The following VIL1 variants were observed in gnomAD, a reference collection of about 807,000 sequenced individuals.
The protein encoded by VIL1 is villin-1.
VIL1 carries 86 observed loss-of-function variants against 104.0 expected under a neutral mutation model. That is an observed-to-expected ratio of 0.83 (90% CI 0.69 to 0.99). VIL1 has a LOEUF of 0.99. VIL1 is among the 50% of genes least tolerant of loss of function. The pLI is 0.00. For missense variants in VIL1, 944 were observed against 1,054.1 expected (o/e 0.90, Z 1.45); for synonymous variants, 394 against 412.6 (o/e 0.95, Z 0.55).
At position 218,429,462 on chromosome 2, in the gene VIL1, C is replaced by T; in HGVS notation, c.745C>T (p.Leu249Phe). The T allele has an allele frequency of 6.2e-7, 1 of 1,613,972 alleles. No homozygotes were observed. Among genetic ancestry groups the T allele is most frequent in the African/African-American group, 1.3e-5 (1 of 75,074 alleles). The stretch of plus-strand genomic sequence containing the variant: ...GCCCGACACGGTGGTGGAGCCGGCA[C>T]TCAAGGCTGCACTCAAACTGTACCA... ...AVPDTVVEPALKAALKLYHVS... is the reference protein window; with the variant it reads ...AVPDTVVEPAFKAALKLYHVS... The change falls in exon 7 of 20, where the codon CTC (leucine) becomes TTC (phenylalanine). Residue 249 changes from leucine to phenylalanine, a missense_variant. By Grantham distance (22) the Leu-to-Phe change is conservative. Transcript: ENST00000248444.
chr2:218,436,452 T>C (rs1689190938), intron 15 of VIL1, 30 bp from the exon 16 acceptor site: 35 of 1,604,792 alleles, frequency 2.2e-5, no homozygotes, highest in Non-Finnish European at 3.0e-5. Context: ...ACCTTCCTTC[T>C]GCCAGTACAA....
chr2:218,449,126 T>C (rs1689421704), intron 19 of VIL1, 97 bp from the exon 20 acceptor site: 5 of 818,618 alleles, frequency 6.1e-6, no homozygotes, highest in Non-Finnish European at 1.1e-5. Flanking sequence ...TTTGATTATA[T>C]ACCACATCTA....
chr2:218,438,298 C>G (rs915618127), intron 17 of VIL1, among the ~76,000 whole-genome samples: 5 of 152,248 alleles, frequency 3.3e-5, no homozygotes, highest in African/African-American at 1.2e-4. Flanking sequence ...CCCACCCATC[C>G]CCAGGAGCCC....
At position 218,429,224 on chromosome 2, in the gene VIL1, G is replaced by A. The variant is rs1689052562; in HGVS notation, c.568-61G>A. The A allele has an allele frequency of 3.9e-6, 6 of 1,555,988 alleles. No individual in the cohort carries two copies. In the South Asian group the frequency reaches 4.9e-5, roughly 13 times the overall value. ...CTGGGCTTGCCTGGCAGGGTGTAGG[G>A]TGGCAGACACTGCCTCATTCCCCGA... On this transcript the variant is annotated intron_variant, in intron 6 of 19. Transcript: ENST00000248444.
In VIL1 at chr2:218,422,385, C is replaced by G. The variant is rs145936540; in HGVS notation, c.-11-1383C>G. 8.3e-4 allele frequency among the ~76,000 whole-genome samples: 126 copies of G among 152,280 alleles called. 1 individual carries two copies. The highest frequency in any genetic ancestry group is 2.9e-3 in the African/African-American group (121 of 41,558). ...TGCTGGACCAGGAATCCTGGGAGCC[C>G]TGGGGACTTGGTAGGTTGAAAAATA... is the stretch of plus-strand genomic sequence containing the variant. On this transcript the variant is annotated intron_variant, in intron 1 of 19. Coordinates refer to ENST00000248444, the MANE Select transcript of VIL1 (RefSeq NM_007127.3).
intron 15 of VIL1, 150 bp downstream of exon 15, chr2:218,435,584 A>C: frequency 8.8e-7 from 1 of 1,137,304 alleles, no homozygotes; most frequent in Non-Finnish European, 1.2e-6. Flanking sequence ...AAGATGAATA[A>C]AGGGCAGCCC....
chr2:218,451,641 A>G lies in VIL1; in HGVS notation c.*2305A>G, dbSNP rs999122604. On this transcript the variant is annotated 3_prime_UTR_variant, in exon 20 of 20. Coordinates refer to ENST00000248444, the MANE Select transcript of VIL1 (RefSeq NM_007127.3). ...ACACACGATACAGAAGAATCAGTAA[A>G]TTCATGGATTATTTTGCTGAGGTTT... 1 of 152,148 alleles carries G rather than the reference A, an allele frequency of 6.6e-6. No homozygotes were observed. Among genetic ancestry groups the G allele is most frequent in the Non-Finnish European group, 1.5e-5 (1 of 68,030 alleles). 9.4% of individuals were successfully genotyped at this position (152,148 alleles called of 1,614,324 possible).
At chr2:218,420,894 T>A (rs1277946577) in intron 1 of VIL1, among the ~76,000 whole-genome samples, 3 of 152,068 alleles carry the variant, frequency 2.0e-5, no homozygotes, top group Non-Finnish European at 4.4e-5. Flanking sequence ...CCATGAGTAT[T>A]TGTTGAGCAC....
intron 19 of VIL1, among the ~76,000 whole-genome samples, chr2:218,443,488 C>A (rs1442419356): frequency 1.3e-5 from 2 of 152,056 alleles, no homozygotes; most frequent in East Asian, 1.9e-4. Flanking sequence ...AGCCACCACG[C>A]CCGGCCAATA....
In VIL1 at chr2:218,430,734, A is replaced by G; in HGVS notation, c.958A>G (p.Lys320Glu). The change falls in exon 10 of 20, where the codon AAA (lysine) becomes GAA (glutamate). Residue 320 changes from lysine (K) to glutamate (E), a missense_variant. Transcript: ENST00000248444. ...CCCCTTTCTCTTCCAGAACTTCATC[A>G]AAGCCAAGCAGTACCCACCAAGCAC... ...GAMSHALNFI[K>E]AKQYPPSTQV... The G allele has an allele frequency of 1.3e-6, 2 of 1,587,556 alleles. No homozygotes were observed. Among genetic ancestry groups the G allele is most frequent in the Non-Finnish European group, 8.6e-7 (1 of 1,165,472 alleles).
chr2:218,419,475 A>T (rs983891534), intron 1 of VIL1, among the ~76,000 whole-genome samples: 1 of 152,110 alleles, frequency 6.6e-6, no homozygotes, highest in African/African-American at 2.4e-5. Context: ...TAAAACCAGG[A>T]CAGTGCTGGG....
At chr2:218,432,534 G>A (rs962464305) in intron 12 of VIL1, 5 of 706,532 alleles carry the variant, frequency 7.1e-6, no homozygotes, top group Admixed American at 4.1e-5. Flanking sequence ...AGGAAAGGAG[G>A]AGGTTTGGGG....
chr2:218,421,069 T>C (rs892980520), intron 1 of VIL1, among the ~76,000 whole-genome samples: 2 of 152,056 alleles, frequency 1.3e-5, no homozygotes, highest in African/African-American at 2.4e-5. Context: ...CTGAGGATTC[T>C]AGGAAGGTCT....
chr2:218,442,034 C>G (rs1689293076), intron 19 of VIL1, among the ~76,000 whole-genome samples: 1 of 151,972 alleles, frequency 6.6e-6, no homozygotes, highest in Admixed American at 6.6e-5. Flanking sequence ...CGAACAATAG[C>G]CTGGAAGGTG....
chr2:218,426,793 A>G lies in VIL1; in HGVS notation c.347+982A>G, dbSNP rs573569097. ...ATTTTTTTGTATTTTTAGTAGAGAC[A>G]GGGTTTCACCGTGTTAGCCAGGATG... On this transcript the variant is annotated intron_variant, in intron 4 of 19. Coordinates refer to ENST00000248444, the MANE Select transcript of VIL1 (RefSeq NM_007127.3). Among the ~76,000 whole-genome samples the G allele has an allele frequency of 7.9e-5, 12 of 151,948 alleles. No individual in the cohort carries two copies. The East Asian group carries it at 1.2e-3, about 15-fold the overall frequency.
intron 14 of VIL1, among the ~76,000 whole-genome samples, chr2:218,434,962 C>T (rs1014386527): frequency 6.6e-6 from 1 of 152,230 alleles, no homozygotes; most frequent in African/African-American, 2.4e-5. Context: ...TGGCCACCTC[C>T]ATCTGTCCCT....
chr2:218,447,779 G>A lies in VIL1; in HGVS notation c.2371-1444G>A, dbSNP rs554486948. Among the ~76,000 whole-genome samples, 489 of 151,920 alleles carry A rather than the reference G, an allele frequency of 3.2e-3. 1 individual carries two copies. The highest frequency in any genetic ancestry group is 0.011 in the African/African-American group (470 of 41,386). On this transcript the variant is annotated intron_variant, in intron 19 of 19. Coordinates refer to ENST00000248444, the MANE Select transcript of VIL1 (RefSeq NM_007127.3). The stretch of plus-strand genomic sequence containing the variant: ...ATGGAAAACTGTTGCCCAGGTTGGA[G>A]TACAGTGGCACAATCTCAGCTCACT...
Position 218,449,709 on chromosome 2 carries a change from G to A in VIL1, c.*373G>A. The A allele has an allele frequency of 5.5e-6, 1 of 181,840 alleles. No homozygotes were observed. Among genetic ancestry groups the A allele is most frequent in the South Asian group, 1.1e-4 (1 of 8,714 alleles). 11.3% of individuals were successfully genotyped at this position (181,840 alleles called of 1,614,324 possible). ...CATGACTCATTTTTATCTATGGCAG[G>A]TAGGCTGAAGCACTTTGCAGGTTTA... On this transcript the variant is annotated 3_prime_UTR_variant, in exon 20 of 20. Transcript: ENST00000248444.
chr2:218,446,918 C>T (rs559289382), intron 19 of VIL1, among the ~76,000 whole-genome samples: 55 of 152,084 alleles, frequency 3.6e-4, no homozygotes, highest in Non-Finnish European at 6.5e-4. Context: ...CGCCTGCCAC[C>T]ACACCAAGCT....
Sources: gnomAD v4.1 joint callset for allele counts (sites outside exome capture counted in the v4.1 genomes callset) on GRCh38, gnomAD v4.1.1 for gene constraint, MANE v1.5 for transcripts, NCBI Gene and HGNC (gene_info 2026-07-23, HGNC 2026-07-21) for gene names.